The following TRMT11 variants were observed in gnomAD, a reference collection of about 807,000 sequenced individuals.
TRMT11 encodes the protein tRNA methyltransferase 11, also known as tRNA (guanine(10)-N(2))-methyltransferase TRMT11.
TRMT11 carries 53 observed loss-of-function variants against 62.8 expected under a neutral mutation model. That is an observed-to-expected ratio of 0.84 (90% CI 0.68 to 1.06). TRMT11 has a LOEUF of 1.06. Among genes scored for constraint, TRMT11 ranks in the 50% least tolerant of loss-of-function variants. TRMT11 has a pLI of 0.00. For synonymous variants in TRMT11, 188 were observed against 190.3 expected, an observed-to-expected ratio of 0.99 and a Z score of 0.10; for missense variants, 556 against 553.4, an observed-to-expected ratio of 1.00 and a Z score of -0.05.
the TRMT11 span, among the ~76,000 whole-genome samples, chr6:126,253,708 C>A: frequency 1.6e-4 from 25 of 152,268 alleles, no homozygotes; most frequent in African/African-American, 4.6e-4. Flanking sequence ...CATTATGTGG[C>A]ACATGACTAT....
chr6:126,132,171 T>G (rs1277659271), intron 21 of TRMT11, among the ~76,000 whole-genome samples: 2 of 152,070 alleles, frequency 1.3e-5, no homozygotes, highest in Non-Finnish European at 2.9e-5. Flanking sequence ...CCAAACATGT[T>G]AGAATTAAAC....
At chr6:126,075,484 C>G (rs775786977) in intron 17 of TRMT11, among the ~76,000 whole-genome samples, 18 of 151,940 alleles carry the variant, frequency 1.2e-4, no homozygotes, top group Non-Finnish European at 2.4e-4. Flanking sequence ...CTCCCTCCCC[C>G]ACTTATCTCT....
chr6:126,205,456 C>T (rs543006525), downstream of TRMT11, among the ~76,000 whole-genome samples: 1 of 152,176 alleles, frequency 6.6e-6, no homozygotes, highest in Non-Finnish European at 1.5e-5. Flanking sequence ...GTGAGCTGAG[C>T]TCGTGCCACT....
chr6:126,182,126 G>A (rs192570797), intron 1 of TRMT11, among the ~76,000 whole-genome samples: 29 of 152,214 alleles, frequency 1.9e-4, no homozygotes, highest in Admixed American at 5.9e-4. Flanking sequence ...TAAATATTAC[G>A]TATTAACATA....
chr6:126,210,910 A>C, the TRMT11 span, among the ~76,000 whole-genome samples: 1 of 151,502 alleles, frequency 6.6e-6, no homozygotes, highest in Admixed American at 6.6e-5. Flanking sequence ...TGGTTTACTC[A>C]TCTACTCTAT....
intron 1 of TRMT11, among the ~76,000 whole-genome samples, chr6:126,192,405 T>C (rs1030527408): frequency 1.3e-5 from 2 of 152,154 alleles, no homozygotes; most frequent in African/African-American, 4.8e-5. Context: ...ATTTGACTTC[T>C]TTCTTTCCCA....
At chr6:126,067,215 A>G (rs1776719999) in intron 17 of TRMT11, among the ~76,000 whole-genome samples, 1 of 152,120 alleles carries the variant, frequency 6.6e-6, no homozygotes, top group African/African-American at 2.4e-5. Flanking sequence ...AAAAAAAAAA[A>G]AGTTGTTTTG....
the TRMT11 span, among the ~76,000 whole-genome samples, chr6:126,238,160 A>G: frequency 1.5e-4 from 23 of 152,202 alleles, no homozygotes; most frequent in African/African-American, 4.6e-4. Context: ...TCAAGAAACC[A>G]TCTCCTGGAT....
chr6:126,166,682 G>A (rs929981941), intron 21 of TRMT11, among the ~76,000 whole-genome samples: 108 of 152,226 alleles, frequency 7.1e-4, no homozygotes, highest in African/African-American at 2.3e-3. Flanking sequence ...GCAGGCAGGA[G>A]CATTTAATTC....
At chr6:126,079,651 C>T (rs1338668459) in intron 17 of TRMT11, among the ~76,000 whole-genome samples, 1 of 152,076 alleles carries the variant, frequency 6.6e-6, no homozygotes, top group Non-Finnish European at 1.5e-5. Context: ...CATTTGTACT[C>T]CAGACCCCAA....
the TRMT11 span, among the ~76,000 whole-genome samples, chr6:126,269,957 A>C: frequency 6.6e-6 from 1 of 152,180 alleles, no homozygotes; most frequent in African/African-American, 2.4e-5. Flanking sequence ...GGGAGGGAAG[A>C]ACACTTCTCT....
At chr6:126,078,891 AT>A (rs565406351) in intron 17 of TRMT11, among the ~76,000 whole-genome samples, 2 of 152,210 alleles carry the variant, frequency 1.3e-5, no homozygotes, top group Non-Finnish European at 2.9e-5. Flanking sequence ...GCGAATATTT[AT>A]TAAGAATTTT....
the TRMT11 span, among the ~76,000 whole-genome samples, chr6:126,250,714 TTA>T: frequency 6.6e-6 from 1 of 152,188 alleles, no homozygotes; most frequent in Admixed American, 6.5e-5. Flanking sequence ...TAAGACATAA[TTA>T]TGTTTCTATA....
intron 17 of TRMT11, among the ~76,000 whole-genome samples, chr6:126,090,262 G>A (rs1777259671): frequency 6.6e-6 from 1 of 152,162 alleles, no homozygotes; most frequent in Non-Finnish European, 1.5e-5. Flanking sequence ...TTTGGTGCAG[G>A]ACTGTTTTTT....
intron 21 of TRMT11, among the ~76,000 whole-genome samples, chr6:126,126,262 A>G (rs529005991): frequency 1.3e-5 from 2 of 152,148 alleles, no homozygotes; most frequent in Non-Finnish European, 2.9e-5. Flanking sequence ...GATATTATAG[A>G]TCAGAAGTTC....
intron 12 of TRMT11, among the ~76,000 whole-genome samples, chr6:126,031,921 C>CTA (rs1440521004): frequency 6.6e-6 from 1 of 151,978 alleles, no homozygotes; most frequent in Admixed American, 6.6e-5. Flanking sequence ...GATGGTGAGG[C>CTA]TATAAACCAA....
chr6:126,063,080 G>A (rs914362182), intron 17 of TRMT11, among the ~76,000 whole-genome samples: 4 of 151,970 alleles, frequency 2.6e-5, no homozygotes, highest in Admixed American at 6.6e-5. Flanking sequence ...TTTATAATCC[G>A]TTATTTATAA....
At chr6:126,142,759 A>C (rs986739408) in intron 21 of TRMT11, among the ~76,000 whole-genome samples, 2 of 152,090 alleles carry the variant, frequency 1.3e-5, no homozygotes, top group African/African-American at 4.8e-5. Flanking sequence ...CTCAATAGCT[A>C]TATTAACAGT....
rs369781916 is a variant in TRMT11 at position 126,039,022 on chromosome 6, A to G, written c.*186A>G. ...TTTTATAGACTTTTTTGTTGTATGT[A>G]TTACAGTCTTTATAATCTTATTTAA... On this transcript the variant is annotated 3_prime_UTR_variant, in exon 13 of 13. Coordinates refer to ENST00000334379, the MANE Select transcript of TRMT11 (RefSeq NM_001031712.3). The G allele has an allele frequency of 1.7e-3, 830 of 485,110 alleles. 19 individuals are homozygous for G. The South Asian group carries it at 0.028, about 16-fold the overall frequency. 30.1% of individuals were successfully genotyped at this position (485,110 alleles called of 1,614,324 possible).
Sources: gnomAD v4.1 joint callset for allele counts (sites outside exome capture counted in the v4.1 genomes callset) on GRCh38, gnomAD v4.1.1 for gene constraint, MANE v1.5 for transcripts, NCBI Gene and HGNC (gene_info 2026-07-23, HGNC 2026-07-21) for gene names.